The following AGPS variants were observed in gnomAD, a reference collection of about 807,000 sequenced individuals.
The protein encoded by AGPS is alkylglycerone phosphate synthase, also known as alkyldihydroxyacetonephosphate synthase, peroxisomal.
A neutral mutation model predicts 90.7 loss-of-function variants in AGPS; 26 were observed. The ratio of observed to expected loss-of-function variants is 0.29; its 90% CI spans 0.21 to 0.40. The LOEUF (loss-of-function observed/expected upper bound fraction) is 0.40. Among genes scored for constraint, AGPS ranks in the 10% least tolerant of loss-of-function variants. The probability of loss-of-function intolerance (pLI) is 1.00; values close to 1 mark genes in which losing one functional copy is unlikely to be tolerated. For missense variants in AGPS, 540 were observed against 816.1 expected (o/e 0.66, Z 4.12); for synonymous variants, 294 against 285.3 (o/e 1.03, Z -0.31).
chr2:177,523,132 G>A (rs1689248966), intron 18 of AGPS, among the ~76,000 whole-genome samples: 1 of 152,104 alleles, frequency 6.6e-6, no homozygotes, highest in Non-Finnish European at 1.5e-5. Context: ...CCAAGTCATT[G>A]ACCTAAGAAG....
intron 17 of AGPS, among the ~76,000 whole-genome samples, chr2:177,516,094 G>A (rs914411071): frequency 6.6e-6 from 1 of 152,114 alleles, no homozygotes; most frequent in African/African-American, 2.4e-5. Context: ...ACAAACGTGT[G>A]CATAGACCCC....
intron 8 of AGPS, among the ~76,000 whole-genome samples, chr2:177,460,850 C>A (rs1687270983): frequency 6.6e-6 from 1 of 152,166 alleles, no homozygotes; most frequent in East Asian, 1.9e-4. Flanking sequence ...TATTATATAA[C>A]AGTTGATGTC....
At chr2:177,458,222 C>T (rs1009802456) in intron 8 of AGPS, among the ~76,000 whole-genome samples, 19 of 152,194 alleles carry the variant, frequency 1.2e-4, no homozygotes, top group African/African-American at 4.3e-4. Context: ...GACAAACCCA[C>T]AGCCAATATC....
In AGPS at chr2:177,422,495, G is replaced by C. The variant is rs140042011; in HGVS notation, c.350+2137G>C. Among the ~76,000 whole-genome samples the C allele has an allele frequency of 7.5e-3, 1,139 of 152,240 alleles. 3 individuals are homozygous for C. Among genetic ancestry groups the C allele is most frequent in the Non-Finnish European group, 9.8e-3 (668 of 68,010 alleles). On this transcript the variant is annotated intron_variant, in intron 2 of 19. Coordinates refer to ENST00000264167, the MANE Select transcript of AGPS (RefSeq NM_003659.4). The stretch of plus-strand genomic sequence containing the variant: ...GTTGACTCCTAAGTCAGAGTCCAGT[G>C]GGGGAGAGGGAGAATAAGGGTTCAT...
chr2:177,490,050 G>GT (rs571149799), intron 11 of AGPS, among the ~76,000 whole-genome samples: 8 of 151,992 alleles, frequency 5.3e-5, no homozygotes, highest in African/African-American at 1.5e-4. Flanking sequence ...ATCTTTTGTG[G>GT]TTTTTTTAAA....
At chr2:177,515,518 A>AC (rs1017341615) in intron 17 of AGPS, among the ~76,000 whole-genome samples, 5 of 148,502 alleles carry the variant, frequency 3.4e-5, no homozygotes, top group African/African-American at 1.3e-4. Context: ...TAAGAACCCC[A>AC]CCCCCGCTGT....
chr2:177,495,311 A>G lies in AGPS; in HGVS notation c.1285+2112A>G, dbSNP rs145757975. Among the ~76,000 whole-genome samples the G allele has an allele frequency of 6.6e-3, 1,000 of 152,268 alleles. 7 individuals carry two copies. The highest frequency in any genetic ancestry group is 0.023 in the South Asian group (112 of 4,830). On this transcript the variant is annotated intron_variant, in intron 12 of 19. Transcript: ENST00000264167. ...TGGCATAGTGCTGATTACATTGTCAATAGCACACTTTATAAAATTCTATTC... is the reference window on the plus strand; with the variant it reads ...TGGCATAGTGCTGATTACATTGTCAGTAGCACACTTTATAAAATTCTATTC...
At chr2:177,396,953 T>C (rs1274289080) in intron 1 of AGPS, among the ~76,000 whole-genome samples, 1 of 151,252 alleles carries the variant, frequency 6.6e-6, no homozygotes, top group Non-Finnish European at 1.5e-5. Flanking sequence ...TTTTTTTTTT[T>C]TTTGCTATGG....
intron 8 of AGPS, among the ~76,000 whole-genome samples, chr2:177,451,664 C>T (rs1356306850): frequency 6.6e-6 from 1 of 152,004 alleles, no homozygotes; most frequent in Non-Finnish European, 1.5e-5. Flanking sequence ...TGTAGATGCC[C>T]TTTATCAAGT....
intron 18 of AGPS, among the ~76,000 whole-genome samples, chr2:177,521,651 A>G (rs998295108): frequency 6.6e-5 from 10 of 152,316 alleles, no homozygotes; most frequent in East Asian, 1.9e-4. Context: ...TTAAATAACT[A>G]TATAGGAATC....
chr2:177,463,477 C>T (rs1687359035), intron 9 of AGPS, among the ~76,000 whole-genome samples: 1 of 152,082 alleles, frequency 6.6e-6, no homozygotes. Flanking sequence ...CAACATTATT[C>T]CTGGAGCTAT....
chr2:177,479,979 G>A (rs1031092969), intron 10 of AGPS, among the ~76,000 whole-genome samples: 3 of 152,088 alleles, frequency 2.0e-5, no homozygotes, highest in South Asian at 2.1e-4. Context: ...TCGGGAGTTC[G>A]AGACCAGCCT....
chr2:177,526,056 AAATCTGTTTG>A (rs1165562313), intron 19 of AGPS, among the ~76,000 whole-genome samples: 1 of 152,208 alleles, frequency 6.6e-6, no homozygotes, highest in African/African-American at 2.4e-5. Context: ...ACTCTAGTGC[AAATCTGTTTG>A]AAACCTGGAT....
At chr2:177,468,161 A>T (rs1687509529) in intron 9 of AGPS, among the ~76,000 whole-genome samples, 2 of 152,102 alleles carry the variant, frequency 1.3e-5, no homozygotes, top group Non-Finnish European at 1.5e-5. Flanking sequence ...GTTGTTCTTA[A>T]GATAATAAAT....
chr2:177,474,840 GT>G (rs1687735913), intron 10 of AGPS, among the ~76,000 whole-genome samples: 1 of 152,206 alleles, frequency 6.6e-6, no homozygotes, highest in East Asian at 1.9e-4. Flanking sequence ...GTCCAATTTT[GT>G]CTTTGGCTTA....
At chr2:177,437,124 A>G (rs1686438462) in intron 5 of AGPS, 70 bp downstream of exon 5, 1 of 1,435,120 alleles carries the variant, frequency 7.0e-7, no homozygotes. Context: ...CATTGGAAAT[A>G]CGTACTTTTT....
intron 8 of AGPS, among the ~76,000 whole-genome samples, chr2:177,450,150 T>G (rs1157197199): frequency 1.3e-5 from 2 of 152,220 alleles, no homozygotes; most frequent in African/African-American, 4.8e-5. Flanking sequence ...TTGCCCAATT[T>G]TAAGATTGGG....
At chr2:177,503,379 G>A (rs1022163606) in intron 14 of AGPS, among the ~76,000 whole-genome samples, 14 of 152,274 alleles carry the variant, frequency 9.2e-5, no homozygotes, top group African/African-American at 2.9e-4. Flanking sequence ...GCATGCTTAA[G>A]TTGTTTAATA....
intron 19 of AGPS, among the ~76,000 whole-genome samples, chr2:177,535,217 T>G (rs2079173127): frequency 6.6e-6 from 1 of 152,184 alleles, no homozygotes; most frequent in Non-Finnish European, 1.5e-5. Flanking sequence ...TGCCTTTCAG[T>G]AGATAACTAT....
Sources: allele counts gnomAD v4.1 joint callset (sites outside exome capture counted in the v4.1 genomes callset), GRCh38; gene constraint gnomAD v4.1.1; transcripts MANE v1.5; gene names NCBI Gene and HGNC (gene_info 2026-07-23, HGNC 2026-07-21).